Variants in ANKRD30BL observed in about 807,000 individuals in gnomAD.
ANKRD30BL encodes ankyrin repeat domain 30B like.
In ANKRD30BL, 20 loss-of-function variants were observed where a neutral mutation model predicts 18.4. That is an observed-to-expected ratio of 1.09 (90% confidence interval 0.77 to 1.58). The LOEUF is 1.58. Among genes scored for constraint, ANKRD30BL ranks in the 40% most tolerant of loss-of-function variants. The probability of loss-of-function intolerance (pLI) is 0.00; values close to 1 mark genes in which losing one functional copy is unlikely to be tolerated. For missense variants in ANKRD30BL, 224 were observed against 268.6 expected, an observed-to-expected ratio of 0.83 and a Z score of 1.16; for synonymous variants, 72 against 100.9, an observed-to-expected ratio of 0.71 and a Z score of 1.72.
At chr2:132,190,751 A>T (rs952194269) in intron 1 of ANKRD30BL, among the ~76,000 whole-genome samples, 1 of 152,238 alleles carries the variant, frequency 6.6e-6, no homozygotes, top group African/African-American at 2.4e-5. Flanking sequence ...TTACACATTT[A>T]GATCTTTTAT....
At chr2:132,212,933 T>A (rs1275058752) in intron 1 of ANKRD30BL, among the ~76,000 whole-genome samples, 3 of 151,996 alleles carry the variant, frequency 2.0e-5, no homozygotes, top group African/African-American at 7.2e-5. Flanking sequence ...AATCTGCAAT[T>A]GGACATTTGG....
At chr2:132,224,283 C>T (rs1442789660) in intron 1 of ANKRD30BL, among the ~76,000 whole-genome samples, 3 of 151,874 alleles carry the variant, frequency 2.0e-5, no homozygotes, top group Admixed American at 6.6e-5. Context: ...TCTTTGAGGC[C>T]TATTGTGGAA....
chr2:132,201,631 G>A (rs916099129), intron 1 of ANKRD30BL, among the ~76,000 whole-genome samples: 1 of 152,142 alleles, frequency 6.6e-6, no homozygotes, highest in Non-Finnish European at 1.5e-5. Flanking sequence ...TCATTAAAAA[G>A]TCAGGAAACA....
intron 1 of ANKRD30BL, among the ~76,000 whole-genome samples, chr2:132,182,659 T>A (rs1688490400): frequency 6.6e-6 from 1 of 152,196 alleles, no homozygotes; most frequent in Non-Finnish European, 1.5e-5. Flanking sequence ...TAACTTCTTA[T>A]CTTGATCTAT....
At chr2:132,257,380 C>T (rs572175944) in intron 1 of ANKRD30BL, 23 of 333,800 alleles carry the variant, frequency 6.9e-5, no homozygotes, top group Non-Finnish European at 9.7e-5. Flanking sequence ...CCACCGCTCA[C>T]GCAGCCTCCC....
intron 1 of ANKRD30BL, among the ~76,000 whole-genome samples, chr2:132,182,482 G>GAA (rs997239394): frequency 1.8e-5 from 2 of 110,998 alleles, no homozygotes. Flanking sequence ...CTCCATCTCA[G>GAA]AAAAAAAAAA....
chr2:132,179,478 A>AG (rs1688422623), intron 1 of ANKRD30BL, among the ~76,000 whole-genome samples: 1 of 151,960 alleles, frequency 6.6e-6, no homozygotes, highest in South Asian at 2.1e-4. Context: ...TAGTAGAAAC[A>AG]GGGTTTCACC....
chr2:132,218,305 A>G (rs1220361769), intron 1 of ANKRD30BL, among the ~76,000 whole-genome samples: 4 of 152,256 alleles, frequency 2.6e-5, no homozygotes, highest in African/African-American at 7.2e-5. Flanking sequence ...TAAACACTAG[A>G]CAGAAGCATT....
At chr2:132,243,900 A>C (rs1680404607) in intron 1 of ANKRD30BL, among the ~76,000 whole-genome samples, 1 of 152,264 alleles carries the variant, frequency 6.6e-6, no homozygotes, top group African/African-American at 2.4e-5. Flanking sequence ...GAAAAAGGAG[A>C]TATCTTCCCA....
chr2:132,231,374 C>T (rs1297042271), intron 1 of ANKRD30BL, among the ~76,000 whole-genome samples: 2 of 152,158 alleles, frequency 1.3e-5, no homozygotes, highest in Non-Finnish European at 2.9e-5. Context: ...GTCTACAGCT[C>T]CCAGCGTGAG....
chr2:132,254,055 C>G (rs556151844), intron 1 of ANKRD30BL, among the ~76,000 whole-genome samples: 75 of 149,932 alleles, frequency 5.0e-4, no homozygotes, highest in Middle Eastern at 3.5e-3. Flanking sequence ...CGCCGAGAAC[C>G]ACCCCCGCGC....
At chr2:132,181,276 C>A (rs1688456108) in intron 1 of ANKRD30BL, among the ~76,000 whole-genome samples, 1 of 151,976 alleles carries the variant, frequency 6.6e-6, no homozygotes, top group African/African-American at 2.4e-5. Flanking sequence ...GAGTTTGAGA[C>A]CAGCCTGGGC....
chr2:132,171,029 G>A (rs755841206), intron 1 of ANKRD30BL, among the ~76,000 whole-genome samples: 3 of 151,912 alleles, frequency 2.0e-5, no homozygotes, highest in Non-Finnish European at 2.9e-5. Flanking sequence ...GGTGGCGGGC[G>A]CCTGTAGTCC....
At chr2:132,190,902 A>G (rs1678831801) in intron 1 of ANKRD30BL, among the ~76,000 whole-genome samples, 1 of 152,094 alleles carries the variant, frequency 6.6e-6, no homozygotes, top group Non-Finnish European at 1.5e-5. Context: ...CTATTGTAGG[A>G]TTTGTGAATA....
At chr2:132,169,601 C>T (rs1412869521) in intron 1 of ANKRD30BL, among the ~76,000 whole-genome samples, 2 of 143,732 alleles carry the variant, frequency 1.4e-5, no homozygotes, top group Non-Finnish European at 1.5e-5. Flanking sequence ...GAGCCAAGAT[C>T]GCACCACTGC....
At chr2:132,194,768 T>C (rs1678930438) in intron 1 of ANKRD30BL, among the ~76,000 whole-genome samples, 1 of 152,170 alleles carries the variant, frequency 6.6e-6, no homozygotes, top group African/African-American at 2.4e-5. Context: ...TATGATCAGA[T>C]AAGATGAAAA....
chr2:132,253,231 G>A lies in ANKRD30BL; in HGVS notation n.441+4298C>T, dbSNP rs529020743. The stretch of plus-strand genomic sequence containing the variant: ...GAAGAGTCGATGATCAACGTGTCTT[G>A]CAGTTCACATTAATTCTCCCAGCTA... On this transcript the variant is annotated intron_variant and non_coding_transcript_variant, in intron 1 of 4. Coordinates refer to the ANKRD30BL transcript ENST00000470729. 542 of 177,230 alleles carry A rather than the reference G, an allele frequency of 3.1e-3. 1 individual carries two copies. The highest frequency in any genetic ancestry group is 6.0e-3 in the Middle Eastern group (4 of 672). The allele number at this position is 177,230 out of a possible 1,614,324, so 11.0% of individuals were successfully genotyped here. A position where few individuals can be genotyped will look rare whatever the true frequency, so the allele number is the denominator to read the frequency against.
At chr2:132,216,928 A>C (rs1307252831) in intron 1 of ANKRD30BL, among the ~76,000 whole-genome samples, 2 of 152,020 alleles carry the variant, frequency 1.3e-5, no homozygotes, top group African/African-American at 2.4e-5. Context: ...ATCTTCACAT[A>C]ATCACTAGAC....
intron 1 of ANKRD30BL, among the ~76,000 whole-genome samples, chr2:132,212,947 G>A (rs1246390229): frequency 1.3e-5 from 2 of 151,808 alleles, no homozygotes; most frequent in Non-Finnish European, 2.9e-5. Flanking sequence ...CATTTGGAGC[G>A]ATTTGCAGCC....
Sources: allele counts gnomAD v4.1 joint callset (sites outside exome capture counted in the v4.1 genomes callset), GRCh38; gene constraint gnomAD v4.1.1; transcripts MANE v1.5; gene names NCBI Gene and HGNC (gene_info 2026-07-23, HGNC 2026-07-21).